Variants in ABCA13 observed in about 807,000 individuals in gnomAD.
ABCA13 encodes the protein ATP binding cassette subfamily A member 13.
ABCA13 carries 476 observed loss-of-function variants against 478.7 expected under a neutral mutation model. The observed-to-expected ratio is 0.99, with a 90% CI of 0.92 to 1.07. ABCA13 has a LOEUF of 1.07. Among genes scored for constraint, ABCA13 ranks in the 50% least tolerant of loss-of-function variants. The pLI is 0.00. For synonymous variants in ABCA13, 2,252 were observed against 2,158.9 expected, an observed-to-expected ratio of 1.04 and a Z score of -1.20; for missense variants, 6,060 against 5,910.6, an observed-to-expected ratio of 1.03 and a Z score of -0.83.
At chr7:48,521,297 T>C (rs1222963685) in intron 53 of ABCA13, among the ~76,000 whole-genome samples, 1 of 152,178 alleles carries the variant, frequency 6.6e-6, no homozygotes, top group Non-Finnish European at 1.5e-5. Context: ...GGGATCCTTT[T>C]TGGAGAAATT....
intron 48 of ABCA13, among the ~76,000 whole-genome samples, chr7:48,497,735 G>A (rs1335041157): frequency 1.3e-5 from 2 of 149,040 alleles, no homozygotes; most frequent in African/African-American, 5.1e-5. Context: ...ACTGACTCAT[G>A]CTGTCTCATT....
chr7:48,283,881 C>T (rs1270736319), intron 19 of ABCA13, among the ~76,000 whole-genome samples: 1 of 152,184 alleles, frequency 6.6e-6, no homozygotes, highest in East Asian at 1.9e-4. Context: ...TTCCTTGATT[C>T]ATGCTGAGTG....
intron 42 of ABCA13, among the ~76,000 whole-genome samples, chr7:48,432,124 GA>G (rs1389279096): frequency 6.6e-6 from 1 of 152,014 alleles, no homozygotes; most frequent in Non-Finnish European, 1.5e-5. Context: ...CCCAGTTAAA[GA>G]AAACAAGTAA....
At chr7:48,580,568 A>G (rs1221719725) in intron 56 of ABCA13, among the ~76,000 whole-genome samples, 194 bp downstream of exon 56, 2 of 152,216 alleles carry the variant, frequency 1.3e-5, no homozygotes, top group African/African-American at 4.8e-5. Context: ...TTTACATTAT[A>G]TATTTAAAAG....
chr7:48,587,417 GT>G (rs1331687345), intron 57 of ABCA13, 129 bp downstream of exon 57: 8 of 1,078,236 alleles, frequency 7.4e-6, no homozygotes, highest in African/African-American at 3.2e-5. Context: ...CTAGTAAACT[GT>G]TTTGCCATAA....
chr7:48,198,741 T>C (rs1345158320), intron 3 of ABCA13, among the ~76,000 whole-genome samples: 1 of 152,234 alleles, frequency 6.6e-6, no homozygotes, highest in Non-Finnish European at 1.5e-5. Context: ...TTTTCTCCTG[T>C]GCTGCTAGTT....
chr7:48,536,307 A>G (rs1293433247), intron 55 of ABCA13, among the ~76,000 whole-genome samples: 2 of 152,200 alleles, frequency 1.3e-5, no homozygotes, highest in Non-Finnish European at 2.9e-5. Context: ...TGTAGACATT[A>G]TTTTGTTGGC....
At chr7:48,425,756 T>G (rs577079719) in intron 41 of ABCA13, among the ~76,000 whole-genome samples, 9 of 123,780 alleles carry the variant, frequency 7.3e-5, no homozygotes, top group Admixed American at 5.3e-4. Flanking sequence ...TTTATTTATT[T>G]TTTCGAGATG....
chr7:48,644,288 C>T (rs1348758375), intron 60 of ABCA13, among the ~76,000 whole-genome samples: 2 of 152,172 alleles, frequency 1.3e-5, no homozygotes, highest in Non-Finnish European at 2.9e-5. Flanking sequence ...ACTCAGGGCC[C>T]TTCCATCCGT....
rs1253316982 is a variant in ABCA13 at position 48,354,220 on chromosome 7, A to G, written c.10688+1733A>G. ...TCTCCTTCTAGCTCCAAAGTATGCT[A>G]TGATCTCCACCCATGAAAGAGCGGG... On this transcript the variant is annotated intron_variant, in intron 31 of 61. Transcript: ENST00000435803. 2.6e-5 allele frequency among the ~76,000 whole-genome samples: 4 copies of G among 152,024 alleles called. 1 individual carries two copies. The South Asian group carries it at 6.2e-4, about 24-fold the overall frequency.
In ABCA13 at chr7:48,403,840, C is replaced by G. The variant is rs772310771; in HGVS notation, c.12031C>G (p.Arg4011Gly). 2.5e-6 allele frequency: 4 copies of G among 1,613,558 alleles called. No homozygotes were observed. Among genetic ancestry groups the G allele is most frequent in the Non-Finnish European group, 1.7e-6 (2 of 1,179,670 alleles). ...EPTSGVDPCS[R>G]HSLWDILLKY... ...CACCAGTGGGGTGGACCCTTGCTCCCGGCATAGCCTGTGGGACATTCTGCT... is the reference window on the plus strand; with the variant it reads ...CACCAGTGGGGTGGACCCTTGCTCCGGGCATAGCCTGTGGGACATTCTGCT... The change falls in exon 39 of 62, where the codon CGG becomes GGG. Residue 4011 changes from arginine (R) to glycine (G), a missense_variant. Arg to Gly is a moderately radical substitution (Grantham distance 125). Coordinates refer to ENST00000435803, the MANE Select transcript of ABCA13 (RefSeq NM_152701.5).
At chr7:48,530,997 G>A (rs1833191669) in intron 55 of ABCA13, among the ~76,000 whole-genome samples, 1 of 152,058 alleles carries the variant, frequency 6.6e-6, no homozygotes, top group Admixed American at 6.5e-5. Flanking sequence ...GCTTAATTAA[G>A]TCCCATCTGT....
At chr7:48,305,795 A>G (rs1417673096) in intron 23 of ABCA13, among the ~76,000 whole-genome samples, 1 of 152,230 alleles carries the variant, frequency 6.6e-6, no homozygotes, top group Non-Finnish European at 1.5e-5. Flanking sequence ...TAAGTGGCCA[A>G]GTGTGTATGA....
intron 1 of ABCA13, among the ~76,000 whole-genome samples, chr7:48,188,678 A>G (rs149564450): frequency 1.3e-5 from 2 of 152,098 alleles, no homozygotes; most frequent in African/African-American, 4.8e-5. Flanking sequence ...GTCTGGAAGA[A>G]GAAAAAGTCT....
intron 34 of ABCA13, 42 bp from the exon 35 acceptor site, chr7:48,376,399 G>A (rs978173033): frequency 6.3e-7 from 1 of 1,588,580 alleles, no homozygotes; most frequent in Non-Finnish European, 8.6e-7. Flanking sequence ...TACCATAAAA[G>A]AGCTTGTGCA....
chr7:48,264,956 G>A (rs115516913), intron 15 of ABCA13, among the ~76,000 whole-genome samples: 1 of 151,492 alleles, frequency 6.6e-6, no homozygotes, highest in African/African-American at 2.4e-5. Flanking sequence ...GTTAATTTTT[G>A]TATGTGGTGT....
chr7:48,622,595 C>T (rs1793246227), intron 59 of ABCA13, among the ~76,000 whole-genome samples: 1 of 152,130 alleles, frequency 6.6e-6, no homozygotes, highest in Non-Finnish European at 1.5e-5. Flanking sequence ...TATAGATATT[C>T]CCCCTTTCCT....
chr7:48,295,247 A>G (rs2128828690), intron 20 of ABCA13, among the ~76,000 whole-genome samples: 1 of 152,302 alleles, frequency 6.6e-6, no homozygotes, highest in Non-Finnish European at 1.5e-5. Context: ...GTAATAGCTC[A>G]TTGTGGTTGA....
At chr7:48,541,786 T>A (rs903602708) in intron 55 of ABCA13, among the ~76,000 whole-genome samples, 3 of 150,506 alleles carry the variant, frequency 2.0e-5, no homozygotes, top group African/African-American at 4.8e-5. Context: ...TATATCTATA[T>A]ATATATTTTA....
Sources: gnomAD v4.1 joint callset for allele counts (sites outside exome capture counted in the v4.1 genomes callset) on GRCh38, gnomAD v4.1.1 for gene constraint, MANE v1.5 for transcripts, NCBI Gene and HGNC (gene_info 2026-07-23, HGNC 2026-07-21) for gene names.